ST6GALNAC3: variants seen among roughly 807,000 people sequenced by gnomAD.
The protein encoded by ST6GALNAC3 is ST6 N-acetylgalactosaminide alpha-2,6-sialyltransferase 3, also known as alpha-N-acetylgalactosaminide alpha-2,6-sialyltransferase 3.
A neutral mutation model predicts 32.7 loss-of-function variants in ST6GALNAC3; 25 were observed. The ratio of observed to expected loss-of-function variants is 0.76; its 90% CI spans 0.56 to 1.07. The LOEUF (loss-of-function observed/expected upper bound fraction) is 1.07. Ranked by LOEUF, ST6GALNAC3 falls within the 50% of genes least tolerant of loss-of-function variation. The pLI is 0.00. For missense variants in ST6GALNAC3, 355 were observed against 382.4 expected, an observed-to-expected ratio of 0.93 and a Z score of 0.60; for synonymous variants, 129 against 133.1, an observed-to-expected ratio of 0.97 and a Z score of 0.21.
At chr1:76,222,686 CA>C (rs372724482) in intron 1 of ST6GALNAC3, among the ~76,000 whole-genome samples, 2 of 131,418 alleles carry the variant, frequency 1.5e-5, no homozygotes, top group African/African-American at 5.1e-5. Context: ...AACAAACAAA[CA>C]AAAAAATAAT....
intron 2 of ST6GALNAC3, among the ~76,000 whole-genome samples, chr1:76,314,832 A>G (rs931854471): frequency 6.6e-6 from 1 of 152,138 alleles, no homozygotes; most frequent in African/African-American, 2.4e-5. Flanking sequence ...GTGTGTCTAC[A>G]TTACTAGGGA....
intron 1 of ST6GALNAC3, among the ~76,000 whole-genome samples, chr1:76,303,015 TC>T (rs1660817108): frequency 6.6e-6 from 1 of 151,954 alleles, no homozygotes; most frequent in African/African-American, 2.4e-5. Context: ...GGTGTTCACC[TC>T]ATGTAAATGA....
intron 1 of ST6GALNAC3, among the ~76,000 whole-genome samples, chr1:76,225,984 G>A (rs996488171): frequency 1.3e-5 from 2 of 152,100 alleles, no homozygotes; most frequent in African/African-American, 2.4e-5. Flanking sequence ...TCCTCATGAA[G>A]GTTAATAAAG....
At chr1:76,600,576 C>G (rs1647208517) in intron 3 of ST6GALNAC3, among the ~76,000 whole-genome samples, 1 of 152,184 alleles carries the variant, frequency 6.6e-6, no homozygotes, top group Non-Finnish European at 1.5e-5. Flanking sequence ...GAATGCATGC[C>G]AGTCTCCACC....
At chr1:76,461,864 T>G (rs1658301092) in intron 3 of ST6GALNAC3, among the ~76,000 whole-genome samples, 1 of 152,112 alleles carries the variant, frequency 6.6e-6, no homozygotes, top group Non-Finnish European at 1.5e-5. Context: ...GCTTAAGTAG[T>G]TGTTTGGTTA....
intron 3 of ST6GALNAC3, among the ~76,000 whole-genome samples, chr1:76,585,211 C>A: frequency 6.6e-6 from 1 of 151,894 alleles, no homozygotes; most frequent in African/African-American, 2.4e-5. Flanking sequence ...ATGGTGAAAC[C>A]CCATCTCTAC....
At chr1:76,424,134 G>A (rs2101395648) in intron 3 of ST6GALNAC3, among the ~76,000 whole-genome samples, 1 of 152,050 alleles carries the variant, frequency 6.6e-6, no homozygotes, top group East Asian at 1.9e-4. Context: ...AACACAGTTG[G>A]TTTTATTTAG....
chr1:76,397,464 G>C (rs1653062551), intron 2 of ST6GALNAC3, among the ~76,000 whole-genome samples: 2 of 146,348 alleles, frequency 1.4e-5, no homozygotes, highest in Admixed American at 1.4e-4. Context: ...CCGCCTCCTT[G>C]GTTCAAGTTG....
At chr1:76,487,983 G>C (rs886234202) in intron 3 of ST6GALNAC3, among the ~76,000 whole-genome samples, 10 of 152,128 alleles carry the variant, frequency 6.6e-5, no homozygotes, top group African/African-American at 2.2e-4. Flanking sequence ...GAGTTTGCTG[G>C]AGGTCAACTC....
At chr1:76,416,630 T>TTG (rs565483574) in intron 3 of ST6GALNAC3, among the ~76,000 whole-genome samples, 35 of 142,388 alleles carry the variant, frequency 2.5e-4, no homozygotes, top group East Asian at 1.8e-3. Context: ...GGGTTTTGTT[T>TTG]TTTTTTTTTT....
chr1:76,511,596 C>T (rs570646104), intron 3 of ST6GALNAC3, among the ~76,000 whole-genome samples: 95 of 152,306 alleles, frequency 6.2e-4, no homozygotes, highest in Middle Eastern at 6.8e-3. Flanking sequence ...CTTCCCTTTT[C>T]CAGCCCTTGT....
chr1:76,197,395 A>G (rs1654264695), intron 1 of ST6GALNAC3, among the ~76,000 whole-genome samples: 1 of 151,608 alleles, frequency 6.6e-6, no homozygotes, highest in African/African-American at 2.4e-5. Flanking sequence ...GAGACACTAA[A>G]TCAACAGGCA....
intron 1 of ST6GALNAC3, among the ~76,000 whole-genome samples, chr1:76,219,950 G>A (rs546589884): frequency 1.3e-5 from 2 of 152,258 alleles, no homozygotes; most frequent in East Asian, 1.9e-4. Flanking sequence ...CCTGTGACTC[G>A]TGGTGGTTGT....
intron 1 of ST6GALNAC3, among the ~76,000 whole-genome samples, chr1:76,108,638 A>G (rs2100795614): frequency 6.6e-6 from 1 of 152,324 alleles, no homozygotes; most frequent in East Asian, 1.9e-4. Flanking sequence ...ATCTGTAGCA[A>G]AGGATCAGTC....
chr1:76,380,549 G>GA (rs1285518095), intron 2 of ST6GALNAC3, among the ~76,000 whole-genome samples: 4 of 152,122 alleles, frequency 2.6e-5, no homozygotes, highest in African/African-American at 9.7e-5. Flanking sequence ...AGCCATATTT[G>GA]AAAATAATAA....
intron 1 of ST6GALNAC3, among the ~76,000 whole-genome samples, chr1:76,170,407 C>T (rs1652411634): frequency 6.6e-6 from 1 of 152,102 alleles, no homozygotes; most frequent in Admixed American, 6.6e-5. Flanking sequence ...GGCCTGGGTG[C>T]CTTCTCTGTG....
At chr1:76,135,506 T>G (rs1649887581) in intron 1 of ST6GALNAC3, among the ~76,000 whole-genome samples, 1 of 152,202 alleles carries the variant, frequency 6.6e-6, no homozygotes, top group Non-Finnish European at 1.5e-5. Flanking sequence ...TGAGGAAACT[T>G]AAGGCTCAGA....
intron 1 of ST6GALNAC3, among the ~76,000 whole-genome samples, chr1:76,219,587 C>G (rs979754318): frequency 1.3e-5 from 2 of 152,182 alleles, no homozygotes; most frequent in African/African-American, 4.8e-5. Flanking sequence ...CTAGAACCAT[C>G]ACATGGCGAT....
rs115486606 is a variant in ST6GALNAC3 at position 76,169,707 on chromosome 1, C to T, written c.18+94823C>T. On this transcript the variant is annotated intron_variant, in intron 1 of 4. Transcript: ENST00000328299. ...AACTGTCTTATTTCGGAAAGCCAGT[C>T]GTCAAGCTCTGAGATTATTTTCTTC... Among the ~76,000 whole-genome samples the T allele has an allele frequency of 4.3e-3, 655 of 152,270 alleles. 6 individuals carry two copies. The highest frequency in any genetic ancestry group is 0.015 in the African/African-American group (637 of 41,554).
Sources: allele counts gnomAD v4.1 joint callset (sites outside exome capture counted in the v4.1 genomes callset), GRCh38; gene constraint gnomAD v4.1.1; transcripts MANE v1.5; gene names NCBI Gene and HGNC (gene_info 2026-07-23, HGNC 2026-07-21).